Variants in APBB2 observed in about 807,000 individuals in gnomAD.
The protein encoded by APBB2 is amyloid beta precursor protein binding family B member 2, also known as Fe65-like 1.
A neutral mutation model predicts 82.5 loss-of-function variants in APBB2; 38 were observed. The ratio of observed to expected loss-of-function variants is 0.46; its 90% confidence interval spans 0.36 to 0.60. APBB2 has a LOEUF of 0.60. APBB2 is among the 20% of genes least tolerant of loss of function. The pLI, the probability that APBB2 is intolerant of heterozygous loss-of-function variation, is 0.00. For missense variants in APBB2, 772 were observed against 972.3 expected (o/e 0.79, Z 2.74); for synonymous variants, 341 against 368.2 (o/e 0.93, Z 0.85).
At position 41,014,389 on chromosome 4, in the gene APBB2, C is replaced by T. The variant is rs1809274969; in HGVS notation, c.29G>A (p.Gly10Asp). Reference protein sequence around the residue: MSEVLPADSGVDTLAVFMAS... With the variant: MSEVLPADSDVDTLAVFMAS... ...CATAAACACTGCCAAGGTGTCAACA[C>T]CTGAGTCAGCTGGGGAAAAAAAAAG... The change falls in exon 6 of 18, where the codon GGT becomes GAT. Residue 10 changes from glycine to aspartate, a missense_variant. By Grantham distance (94) the Gly-to-Asp change is moderately conservative (BLOSUM62 -1). Coordinates refer to ENST00000508593, the MANE Select transcript of APBB2 (RefSeq NM_004307.2). 1.9e-6 allele frequency: 3 copies of T among 1,613,686 alleles called. No individual in the cohort carries two copies. Among genetic ancestry groups the T allele is most frequent in the Non-Finnish European group, 2.5e-6 (3 of 1,179,888 alleles).
rs191852669 is a variant in APBB2, at chr4:41,007,273, G to C, written c.835+6310C>G. Among the ~76,000 whole-genome samples the C allele has an allele frequency of 6.6e-3, 1,001 of 151,958 alleles. 16 individuals are homozygous for C. The highest frequency in any genetic ancestry group is 0.022 in the African/African-American group (892 of 41,444). ...ATGCATTCTCTTTCCCTCTGGCCATGTGATATCCTCGCCATGTTATTCTGC... is the reference window on the plus strand; with the variant it reads ...ATGCATTCTCTTTCCCTCTGGCCATCTGATATCCTCGCCATGTTATTCTGC... On this transcript the variant is annotated intron_variant, in intron 6 of 17. Coordinates refer to ENST00000508593, the MANE Select transcript of APBB2 (RefSeq NM_004307.2).
intron 10 of APBB2, among the ~76,000 whole-genome samples, chr4:40,906,464 C>CAAAAA (rs5857755): frequency 3.7e-3 from 250 of 67,144 alleles, no homozygotes; most frequent in Admixed American, 4.5e-3. Context: ...AAACCTGTCT[C>CAAAAA]AAAAAAAAAA....
intron 12 of APBB2, among the ~76,000 whole-genome samples, chr4:40,862,583 G>A (rs972396723): frequency 1.3e-5 from 2 of 152,192 alleles, no homozygotes; most frequent in Non-Finnish European, 2.9e-5. Flanking sequence ...GGTCCTAGCC[G>A]GGCACCGCGG....
At chr4:40,907,392 T>A (rs1194736962) in intron 10 of APBB2, among the ~76,000 whole-genome samples, 1 of 135,534 alleles carries the variant, frequency 7.4e-6, no homozygotes, top group Non-Finnish European at 1.6e-5. Flanking sequence ...TTTTTTTTTT[T>A]TTTTTTTTAG....
chr4:41,069,864 A>G (rs1193358083), intron 3 of APBB2, among the ~76,000 whole-genome samples: 1 of 152,224 alleles, frequency 6.6e-6, no homozygotes, highest in African/African-American at 2.4e-5. Flanking sequence ...ATCTTTATGA[A>G]CTCATAAATA....
intron 6 of APBB2, among the ~76,000 whole-genome samples, chr4:41,007,886 A>G (rs1202167773): frequency 6.6e-6 from 1 of 152,194 alleles, no homozygotes; most frequent in Non-Finnish European, 1.5e-5. Flanking sequence ...GAAACTTTTG[A>G]GTAATGCCGA....
intron 1 of APBB2, among the ~76,000 whole-genome samples, chr4:41,161,170 C>CAAAAAAAAAAA (rs33917178): frequency 2.3e-5 from 2 of 86,278 alleles, no homozygotes. Context: ...TCTTCCCTGG[C>CAAAAAAAAAAA]AAAAAAAAAA....
chr4:41,020,223 C>T (rs1303261182), intron 5 of APBB2, among the ~76,000 whole-genome samples: 4 of 152,198 alleles, frequency 2.6e-5, no homozygotes, highest in African/African-American at 9.7e-5. Context: ...GCACTGAAGC[C>T]ACTGACAACC....
chr4:41,166,552 G>A lies in APBB2; in HGVS notation c.-416-23410C>T, dbSNP rs62409994. ...AAGATTGCACCACTGCACTCCAGCC[G>A]GGTCAACAGAGCGAGACTGTCAAAA... On this transcript the variant is annotated intron_variant, in intron 1 of 17. Coordinates refer to ENST00000508593, the MANE Select transcript of APBB2 (RefSeq NM_004307.2). Among the ~76,000 whole-genome samples, 5 of 148,162 alleles carry A rather than the reference G, an allele frequency of 3.4e-5. No individual in the cohort carries two copies. The East Asian group carries it at 6.1e-4, about 18-fold the overall frequency.
chr4:40,823,928 C>T lies in APBB2; in HGVS notation c.1817-169G>A, dbSNP rs184808986. ...AATGAAATACCAGCTTCTGGCCGGG[C>T]GTAGTGGCTCACGCCTGTAATCTCA... On this transcript the variant is annotated intron_variant, in intron 15 of 17. Transcript: ENST00000508593. Among the ~76,000 whole-genome samples the T allele has an allele frequency of 3.0e-3, 457 of 152,264 alleles. 1 individual carries two copies. Among genetic ancestry groups the T allele is most frequent in the African/African-American group, 7.7e-3 (318 of 41,528 alleles).
chr4:40,820,435 G>A (rs371815984), intron 17 of APBB2, among the ~76,000 whole-genome samples: 11 of 152,128 alleles, frequency 7.2e-5, no homozygotes, highest in South Asian at 4.2e-4. Context: ...AGGCTGAGGC[G>A]GGTGGATTAC....
At chr4:41,197,946 T>C in intron 1 of APBB2, among the ~76,000 whole-genome samples, 4 of 152,258 alleles carry the variant, frequency 2.6e-5, no homozygotes, top group Non-Finnish European at 4.4e-5. Flanking sequence ...TTTCATTTGA[T>C]AATATAACAA....
intron 4 of APBB2, among the ~76,000 whole-genome samples, chr4:41,064,657 G>A (rs1369325792): frequency 6.6e-6 from 1 of 152,168 alleles, no homozygotes; most frequent in Non-Finnish European, 1.5e-5. Flanking sequence ...CAGGGGTAAC[G>A]ACAAATAGGA....
chr4:40,851,613 T>C (rs967381628), intron 12 of APBB2, among the ~76,000 whole-genome samples: 1 of 151,794 alleles, frequency 6.6e-6, no homozygotes, highest in Non-Finnish European at 1.5e-5. Flanking sequence ...CCAGACAAGC[T>C]TCCATGTTAT....
intron 1 of APBB2, among the ~76,000 whole-genome samples, chr4:41,195,537 T>G: frequency 6.6e-6 from 1 of 152,318 alleles, no homozygotes; most frequent in South Asian, 2.1e-4. Context: ...CAGGTCTCCC[T>G]GATCCACCTC....
chr4:40,897,535 G>A (rs1166578233), intron 10 of APBB2, among the ~76,000 whole-genome samples: 1 of 151,728 alleles, frequency 6.6e-6, no homozygotes, highest in East Asian at 1.9e-4. Context: ...AAAAAAAATT[G>A]TTTTGTCATA....
At chr4:40,873,496 A>G (rs1288425450) in intron 12 of APBB2, among the ~76,000 whole-genome samples, 3 of 152,222 alleles carry the variant, frequency 2.0e-5, no homozygotes, top group Non-Finnish European at 2.9e-5. Flanking sequence ...GAATCAGAAC[A>G]TTTCCTTTAG....
chr4:40,955,994 G>A (rs1270159894), intron 6 of APBB2, among the ~76,000 whole-genome samples: 5 of 152,058 alleles, frequency 3.3e-5, no homozygotes, highest in Admixed American at 3.3e-4. Flanking sequence ...GGCTGGTCTC[G>A]AACTCCCGAC....
intron 6 of APBB2, among the ~76,000 whole-genome samples, chr4:40,954,713 G>A (rs1791115735): frequency 6.6e-6 from 1 of 152,120 alleles, no homozygotes; most frequent in African/African-American, 2.4e-5. Context: ...ACCCAGGCTG[G>A]AGTGCAGTGG....
Sources: gnomAD v4.1 joint callset for allele counts (sites outside exome capture counted in the v4.1 genomes callset) on GRCh38, gnomAD v4.1.1 for gene constraint, MANE v1.5 for transcripts, NCBI Gene and HGNC (gene_info 2026-07-23, HGNC 2026-07-21) for gene names.